The following DPH6 variants were observed in gnomAD, a reference collection of about 807,000 sequenced individuals.
DPH6 encodes diphthamine biosynthesis 6.
In DPH6, 33 loss-of-function variants were observed where a neutral mutation model predicts 38.2. That is an observed-to-expected ratio of 0.86 (90% CI 0.65 to 1.15). DPH6 has a LOEUF of 1.15. Among genes scored for constraint, DPH6 ranks in the 50% most tolerant of loss-of-function variants. DPH6 has a pLI of 0.00. For missense variants in DPH6, 325 were observed against 320.0 expected, an observed-to-expected ratio of 1.02 and a Z score of -0.12; for synonymous variants, 108 against 103.0, an observed-to-expected ratio of 1.05 and a Z score of -0.30.
chr15:35,416,025 G>A lies in DPH6; in HGVS notation c.506-5129C>T, dbSNP rs151014660. On this transcript the variant is annotated intron_variant, in intron 5 of 8. Coordinates refer to ENST00000256538, the MANE Select transcript of DPH6 (RefSeq NM_080650.4). ...GGGTGTATATGCTGCTATGATTCATGGGCCTGATGTTTTAGACCATGGGTA... is the reference window on the plus strand; with the variant it reads ...GGGTGTATATGCTGCTATGATTCATAGGCCTGATGTTTTAGACCATGGGTA... Among the ~76,000 whole-genome samples the A allele has an allele frequency of 4.0e-3, 604 of 152,070 alleles. 2 individuals are homozygous for A. Among genetic ancestry groups the A allele is most frequent in the African/African-American group, 0.014 (580 of 41,520 alleles).
At chr15:35,180,265 A>G in the DPH6 span, among the ~76,000 whole-genome samples, 2 of 152,168 alleles carry the variant, frequency 1.3e-5, no homozygotes, top group South Asian at 4.1e-4. Context: ...ATTAATTAAA[A>G]ATGGCATTGT....
chr15:35,513,614 A>C (rs190919738), intron 3 of DPH6, among the ~76,000 whole-genome samples: 393 of 152,154 alleles, frequency 2.6e-3, no homozygotes, highest in Admixed American at 4.3e-3. Flanking sequence ...ATAAATTACA[A>C]CACCACTTAG....
chr15:35,520,300 A>T (rs2054906113), intron 3 of DPH6: 2 of 977,582 alleles, frequency 2.0e-6, no homozygotes, highest in Non-Finnish European at 2.4e-6. Flanking sequence ...TTTATTACAC[A>T]TAAAAACTCA....
intron 5 of DPH6, among the ~76,000 whole-genome samples, chr15:35,449,726 A>G (rs1010623783): frequency 1.0e-3 from 159 of 152,262 alleles, no homozygotes; most frequent in African/African-American, 3.7e-3. Context: ...TTTAACAGCT[A>G]AGGAGATCAA....
intron 3 of DPH6, among the ~76,000 whole-genome samples, chr15:35,321,135 T>G (rs1375352236): frequency 6.6e-6 from 1 of 152,242 alleles, no homozygotes; most frequent in Non-Finnish European, 1.5e-5. Flanking sequence ...AGAGTTCAGT[T>G]TCCTTCCTAA....
chr15:35,166,249 GAACT>G, the DPH6 span, among the ~76,000 whole-genome samples: 1 of 151,858 alleles, frequency 6.6e-6, no homozygotes, highest in African/African-American at 2.4e-5. Flanking sequence ...AGGGGAATCA[GAACT>G]AACAGGCCTT....
chr15:35,387,314 T>C (rs1323476165), intron 6 of DPH6, among the ~76,000 whole-genome samples: 1 of 152,196 alleles, frequency 6.6e-6, no homozygotes, highest in African/African-American at 2.4e-5. Flanking sequence ...AGGATTGACT[T>C]GGCAATGCGG....
chr15:35,231,056 G>A (rs2051514132), intron 3 of DPH6, among the ~76,000 whole-genome samples: 1 of 152,146 alleles, frequency 6.6e-6, no homozygotes. Flanking sequence ...TACTGTCTGT[G>A]GGCTCATTTC....
At chr15:35,310,434 G>A (rs1358986287) in intron 3 of DPH6, among the ~76,000 whole-genome samples, 3 of 152,094 alleles carry the variant, frequency 2.0e-5, no homozygotes, top group Non-Finnish European at 4.4e-5. Flanking sequence ...ACAGTGGGGC[G>A]AGAAAAGAGG....
chr15:35,516,754 A>G (rs180881801), intron 3 of DPH6, among the ~76,000 whole-genome samples: 16 of 152,306 alleles, frequency 1.1e-4, no homozygotes, highest in Non-Finnish European at 1.8e-4. Context: ...CACATGCCAC[A>G]TAGTAACCCT....
In DPH6 at chr15:35,399,151, T is replaced by C. The variant is rs563262916; in HGVS notation, c.567+11684A>G. ...AGACCAAAACAAACAGTGAGGAAAA[T>C]AGACTATGCATGGGAGAAGAAAATC... On this transcript the variant is annotated intron_variant, in intron 6 of 8. Transcript: ENST00000256538. Among the ~76,000 whole-genome samples, 66 of 152,018 alleles carry C rather than the reference T, an allele frequency of 4.3e-4. 1 individual carries two copies. The highest frequency in any genetic ancestry group is 3.9e-3 in the East Asian group (20 of 5,176).
intron 3 of DPH6, among the ~76,000 whole-genome samples, chr15:35,259,013 G>A (rs1273689612): frequency 6.6e-6 from 1 of 151,988 alleles, no homozygotes; most frequent in Admixed American, 6.6e-5. Flanking sequence ...TGTGCGTGGT[G>A]GTGTGCACCT....
chr15:35,316,175 T>C (rs186647761), intron 3 of DPH6, among the ~76,000 whole-genome samples: 2 of 152,328 alleles, frequency 1.3e-5, no homozygotes, highest in Admixed American at 1.3e-4. Flanking sequence ...CATTTCAAAA[T>C]AGTTAGTAGA....
Position 35,454,768 on chromosome 15 carries a change from TGATA to T in DPH6, c.361_364del (p.Tyr121SerfsTer17), listed in dbSNP as rs2053975938. On this transcript the variant is annotated frameshift_variant, in exon 4 of 9. Transcript: ENST00000256538. LOFTEE classifies it high-confidence loss of function. ...TTACACATTTTCCACTCGAATACGC[TGATA>T]GTCAGAAAGTATAGCACCTACTGAT... The T allele has an allele frequency of 1.9e-6, 3 of 1,609,560 alleles. No individual in the cohort carries two copies. Among genetic ancestry groups the T allele is most frequent in the Non-Finnish European group, 2.5e-6 (3 of 1,178,264 alleles).
intron 3 of DPH6, among the ~76,000 whole-genome samples, chr15:35,457,056 C>G (rs1056087338): frequency 6.6e-6 from 1 of 152,032 alleles, no homozygotes; most frequent in East Asian, 1.9e-4. Context: ...AGGGTTCAAG[C>G]GATTCTTCTG....
chr15:35,466,402 TGGTA>T (rs2054127106), intron 3 of DPH6, among the ~76,000 whole-genome samples: 2 of 152,136 alleles, frequency 1.3e-5, no homozygotes, highest in African/African-American at 4.8e-5. Flanking sequence ...CACCTCAGTT[TGGTA>T]GGGTTTAACC....
intron 3 of DPH6, among the ~76,000 whole-genome samples, chr15:35,287,028 T>C (rs1277107960): frequency 1.3e-5 from 2 of 152,122 alleles, no homozygotes; most frequent in South Asian, 2.1e-4. Context: ...TAGAAAAAAG[T>C]TGTTAAAATG....
At chr15:35,521,396 T>C in intron 3 of DPH6, 3 of 1,082,702 alleles carry the variant, frequency 2.8e-6, no homozygotes, top group Non-Finnish European at 3.4e-6. Flanking sequence ...ATCTAAAGAA[T>C]CTGTAAGATC....
chr15:35,161,309 C>A, the DPH6 span, among the ~76,000 whole-genome samples: 303 of 151,992 alleles, frequency 2.0e-3, 2 homozygotes, highest in Admixed American at 0.012. Flanking sequence ...CCTCCTTCAA[C>A]TTCCTAGGTG....
Sources: gnomAD v4.1 joint callset for allele counts (sites outside exome capture counted in the v4.1 genomes callset) on GRCh38, gnomAD v4.1.1 for gene constraint, MANE v1.5 for transcripts, NCBI Gene and HGNC (gene_info 2026-07-23, HGNC 2026-07-21) for gene names.